The following BST1 variants were observed in gnomAD, a reference collection of about 807,000 sequenced individuals.
BST1 encodes the protein ADP-ribosyl cyclase/cyclic ADP-ribose hydrolase 2.
In BST1, 49 loss-of-function variants were observed where a neutral mutation model predicts 40.6. The ratio of observed to expected loss-of-function variants is 1.21; its 90% confidence interval spans 0.96 to 1.53. BST1 has a LOEUF of 1.53. Ranked by LOEUF, BST1 falls within the 40% of genes most tolerant of loss-of-function variation. The probability of loss-of-function intolerance (pLI) is 0.00; values close to 1 mark genes in which losing one functional copy is unlikely to be tolerated. For synonymous variants in BST1, 157 were observed against 159.3 expected, an observed-to-expected ratio of 0.99 and a Z score of 0.11; for missense variants, 423 against 395.9, an observed-to-expected ratio of 1.07 and a Z score of -0.58.
At chr4:15,738,600 A>T (rs947560500), downstream of BST1, among the ~76,000 whole-genome samples, 5 of 152,158 alleles carry the variant, frequency 3.3e-5, no homozygotes, top group South Asian at 4.1e-4. Flanking sequence ...AAAATAAAAA[A>T]CCTTGATGGG....
chr4:15,742,943 C>T (rs1031340296), downstream of BST1, among the ~76,000 whole-genome samples: 13 of 152,236 alleles, frequency 8.5e-5, no homozygotes, highest in Admixed American at 7.2e-4. Flanking sequence ...CAACTGGCAC[C>T]AGCTGCAGCA....
chr4:15,719,088 G>A, intron 7 of BST1, 95 bp downstream of exon 7: 2 of 1,077,780 alleles, frequency 1.9e-6, no homozygotes, highest in Admixed American at 2.5e-5. Flanking sequence ...TCTCAGCTCT[G>A]AAGGCCATGG....
chr4:15,717,183 C>A (rs559676972), intron 6 of BST1, among the ~76,000 whole-genome samples: 1 of 152,256 alleles, frequency 6.6e-6, no homozygotes, highest in South Asian at 2.1e-4. Context: ...GTGAGCCTGG[C>A]CCCGAGTAAG....
chr4:15,773,731 G>A, the BST1 span, among the ~76,000 whole-genome samples: 1 of 152,204 alleles, frequency 6.6e-6, no homozygotes, highest in African/African-American at 2.4e-5. Context: ...AGGAGGTTAA[G>A]GCTGCAGTGA....
At chr4:15,758,834 T>C in the BST1 span, among the ~76,000 whole-genome samples, 2 of 150,290 alleles carry the variant, frequency 1.3e-5, no homozygotes, top group Non-Finnish European at 1.5e-5. Flanking sequence ...ATGTATAAAG[T>C]ATTTGGCGTC....
chr4:15,713,310 C>T (rs574824424), intron 4 of BST1, among the ~76,000 whole-genome samples: 24 of 151,616 alleles, frequency 1.6e-4, no homozygotes, highest in African/African-American at 4.4e-4. Context: ...CTCAGCCTCC[C>T]GAGTAGCTGG....
chr4:15,742,815 G>A (rs1721777242), downstream of BST1, among the ~76,000 whole-genome samples: 1 of 152,236 alleles, frequency 6.6e-6, no homozygotes, highest in Non-Finnish European at 1.5e-5. Flanking sequence ...GGCATACAGT[G>A]CAGAATGCAC....
chr4:15,715,315 G>A lies in BST1; in HGVS notation c.565G>A (p.Val189Ile), dbSNP rs369898900. The stretch of plus-strand genomic sequence containing the variant: ...CAAGGATAGTTCTGGGGTGATCCAC[G>A]TCATGCTGAATGGTTCAGAGCCAAC... ...YSKDSSGVIH[V>I]MLNGSEPTGA... The change falls in exon 5 of 9, where the codon GTC (valine) becomes ATC (isoleucine). Residue 189 changes from valine to isoleucine, a missense_variant. Transcript: ENST00000265016. The A allele has an allele frequency of 1.4e-5, 22 of 1,613,986 alleles. No homozygotes were observed. The highest frequency in any genetic ancestry group is 1.3e-4 in the African/African-American group (10 of 74,904).
intron 8 of BST1, among the ~76,000 whole-genome samples, chr4:15,730,382 G>A (rs1721310611): frequency 6.6e-6 from 1 of 152,198 alleles, no homozygotes; most frequent in Non-Finnish European, 1.5e-5. Context: ...CTCTGTTGAT[G>A]TCTTCATGTC....
chr4:15,717,551 G>T (rs1009911015), intron 6 of BST1, among the ~76,000 whole-genome samples: 2 of 152,018 alleles, frequency 1.3e-5, no homozygotes, highest in Admixed American at 1.3e-4. Flanking sequence ...ACTTTATCAG[G>T]GTGTAATTTG....
At chr4:15,762,188 C>CAAAA in the BST1 span, among the ~76,000 whole-genome samples, 6 of 61,264 alleles carry the variant, frequency 9.8e-5, no homozygotes, top group East Asian at 4.9e-4. Context: ...GACTCCATCT[C>CAAAA]AAAAAAAAAA....
intron 4 of BST1, 104 bp downstream of exon 4, chr4:15,711,993 G>A (rs1720242806): frequency 4.4e-6 from 4 of 908,702 alleles, no homozygotes; most frequent in Non-Finnish European, 7.0e-6. Flanking sequence ...CAACTTCTCT[G>A]AGCCTCACTT....
intron 7 of BST1, among the ~76,000 whole-genome samples, chr4:15,720,010 T>C (rs1357222031): frequency 6.6e-6 from 1 of 152,146 alleles, no homozygotes; most frequent in Non-Finnish European, 1.5e-5. Context: ...CAGAAAAATA[T>C]ACAAACCATG....
At chr4:15,741,944 G>A (rs1363334999), downstream of BST1, among the ~76,000 whole-genome samples, 1 of 152,194 alleles carries the variant, frequency 6.6e-6, no homozygotes, top group Non-Finnish European at 1.5e-5. Context: ...TATGGTTGGT[G>A]CATAACGCCC....
At chr4:15,749,607 C>T in the BST1 span, among the ~76,000 whole-genome samples, 1 of 152,300 alleles carries the variant, frequency 6.6e-6, no homozygotes, top group Non-Finnish European at 1.5e-5. Flanking sequence ...AGCTTCCCTG[C>T]TTAGCAGCAT....
the BST1 span, among the ~76,000 whole-genome samples, chr4:15,756,321 T>C: frequency 6.6e-6 from 1 of 152,242 alleles, no homozygotes; most frequent in Non-Finnish European, 1.5e-5. Context: ...GAGATGGTCG[T>C]ACCTGGCTAG....
At chr4:15,744,891 A>G in the BST1 span, among the ~76,000 whole-genome samples, 1 of 152,266 alleles carries the variant, frequency 6.6e-6, no homozygotes, top group Non-Finnish European at 1.5e-5. Context: ...ATGAAGAGTT[A>G]AATTTTTTGG....
intron 7 of BST1, among the ~76,000 whole-genome samples, chr4:15,719,528 C>G (rs1330663031): frequency 1.3e-5 from 2 of 152,048 alleles, no homozygotes; most frequent in African/African-American, 4.8e-5. Context: ...AAAAACTTGG[C>G]TCAAGCCCTA....
the BST1 span, among the ~76,000 whole-genome samples, chr4:15,766,827 A>T: frequency 5.5e-3 from 830 of 151,420 alleles, 4 homozygotes; most frequent in African/African-American, 0.019. Context: ...CTAAAAAAAA[A>T]ACAGGTTAAC....
Sources: gnomAD v4.1 joint callset for allele counts (sites outside exome capture counted in the v4.1 genomes callset) on GRCh38, gnomAD v4.1.1 for gene constraint, MANE v1.5 for transcripts, NCBI Gene and HGNC (gene_info 2026-07-23, HGNC 2026-07-21) for gene names.